The following PHRF1 variants were observed in gnomAD, a reference collection of about 807,000 sequenced individuals.
PHRF1 encodes the protein PHD and RING finger domain-containing protein 1.
In PHRF1, 53 loss-of-function variants were observed where a neutral mutation model predicts 128.9. The ratio of observed to expected loss-of-function variants is 0.41; its 90% CI spans 0.33 to 0.52. PHRF1 has a LOEUF of 0.52. Ranked by LOEUF, PHRF1 falls within the 20% of genes least tolerant of loss-of-function variation. PHRF1 has a pLI of 0.21. For missense variants in PHRF1, 2,503 were observed against 2,284.5 expected, an observed-to-expected ratio of 1.10 and a Z score of -1.95; for synonymous variants, 1,178 against 980.6, an observed-to-expected ratio of 1.20 and a Z score of -3.76.
chr11:592,496 C>CGCTGGGAAGTGACT (rs1855035849), intron 5 of PHRF1, 63 bp from the exon 6 acceptor site: 2 of 1,507,478 alleles, frequency 1.3e-6, no homozygotes, highest in Admixed American at 3.3e-5. Context: ...CTGCGTTTCA[C>CGCTGGGAAGTGACT]GCTGGGAAGT....
rs1564864545 is a variant in PHRF1, at chr11:607,662, A to AGGGTGCCCCGGGAGCCCG, written c.2213_2230dup (p.Pro738_Val743dup). ...ACGGGCAGAGAGCGAGGCCAGCAGC[A>AGGGTGCCCCGGGAGCCCG]GGGTGCCCCGGGAGCCCGGGGTGCA... On this transcript the variant is annotated inframe_insertion, in exon 14 of 18. Transcript: ENST00000264555. 6.2e-7 allele frequency: 1 copy of AGGGTGCCCCGGGAGCCCG among 1,610,668 alleles called. No homozygotes were observed. Among genetic ancestry groups the AGGGTGCCCCGGGAGCCCG allele is most frequent in the East Asian group, 2.2e-5 (1 of 44,806 alleles).
At chr11:584,388 C>A (rs1447276950) in intron 3 of PHRF1, among the ~76,000 whole-genome samples, 2 of 152,188 alleles carry the variant, frequency 1.3e-5, no homozygotes, top group Admixed American at 1.3e-4. Flanking sequence ...CTCAGCAGGG[C>A]CCCCACCGTG....
chr11:581,959 TAGA>T lies in PHRF1; in HGVS notation c.97_99del (p.Glu33del), dbSNP rs1384348011. 1.3e-6 allele frequency: 2 copies of T among 1,592,288 alleles called. No individual in the cohort carries two copies. The highest frequency in any genetic ancestry group is 1.1e-5 in the South Asian group (1 of 87,362). ...GCGGCCTGTGTCTCACCCTGGTGTC[TAGA>T]AGAAAGCAGCGTGGGCAGCAGTGGG... On this transcript the variant is annotated splice_acceptor_variant and coding_sequence_variant, in exon 3 of 18. Coordinates refer to ENST00000264555, the MANE Select transcript of PHRF1 (RefSeq NM_001286581.2). LOFTEE classifies it high-confidence loss of function.
In PHRF1 at chr11:607,335, A is replaced by G; in HGVS notation, c.1879A>G (p.Ser627Gly). The G allele has an allele frequency of 6.2e-7, 1 of 1,612,676 alleles. No homozygotes were observed. The highest frequency in any genetic ancestry group is 1.1e-5 in the South Asian group (1 of 91,078). Residue 627 changes from serine to glycine, a missense_variant, in exon 14 of 18, where the codon AGC becomes GGC. Transcript: ENST00000264555. ...TGGGAGTGTGCCTGGCTTCAGACAG[A>G]GCCACAGCCCCTGGTTCAACGGCAC... ...SNGSVPGFRQ[S>G]HSPWFNGTNK...
At chr11:601,428 C>CAAAAAAAA in intron 9 of PHRF1, 146 bp from the exon 10 acceptor site, 2 of 874,758 alleles carry the variant, frequency 2.3e-6, no homozygotes, top group African/African-American at 2.2e-5. Context: ...GATCCTGTCT[C>CAAAAAAAA]AAAAAAAAAA....
chr11:604,787 C>G (rs772550558), intron 10 of PHRF1, among the ~76,000 whole-genome samples: 1 of 152,230 alleles, frequency 6.6e-6, no homozygotes, highest in African/African-American at 2.4e-5. Flanking sequence ...GCTGGGATTA[C>G]AGATGTGAGC....
At chr11:611,445 G>A (rs1856392016) in intron 17 of PHRF1, among the ~76,000 whole-genome samples, 189 bp from the exon 18 acceptor site, 1 of 152,202 alleles carries the variant, frequency 6.6e-6, no homozygotes, top group Non-Finnish European at 1.5e-5. Context: ...CAGTGGCCTT[G>A]TGAGCGGCAT....
At chr11:594,741 CGTGAG>C (rs1447457373) in intron 6 of PHRF1, among the ~76,000 whole-genome samples, 1 of 152,194 alleles carries the variant, frequency 6.6e-6, no homozygotes, top group Non-Finnish European at 1.5e-5. Context: ...AGATTAAAGG[CGTGAG>C]CCACTATGCC....
Position 608,846 on chromosome 11 carries a change from G to A in PHRF1, c.3390G>A (p.Glu1130=), listed in dbSNP as rs749514758. Residue 1130 remains glutamate (E), a synonymous_variant, in exon 14 of 18, where the codon GAG becomes GAA. Transcript: ENST00000264555. ...AGTGCTCCCCCACCAGCAGCCTGGA[G>A]AGGCTCTGCAGGCACAAGCATCAGC... ...GRECSPTSSL[E]RLCRHKHQRE... is the part of the protein sequence containing the mutation. 7 of 1,612,242 alleles carry A rather than the reference G, an allele frequency of 4.3e-6. No individual in the cohort carries two copies. The African/African-American group carries it at 9.3e-5, about 22-fold the overall frequency.
At position 608,538 on chromosome 11, in the gene PHRF1, A is replaced by C. The variant is rs762812445; in HGVS notation, c.3082A>C (p.Arg1028=). 6.2e-7 allele frequency: 1 copy of C among 1,612,168 alleles called. No homozygotes were observed. The highest frequency in any genetic ancestry group is 8.5e-7 in the Non-Finnish European group (1 of 1,179,796). Residue 1028 remains arginine (R), a synonymous_variant, in exon 14 of 18, where the codon AGG becomes CGG. Coordinates refer to ENST00000264555, the MANE Select transcript of PHRF1 (RefSeq NM_001286581.2). ...RSGTRSESRD[R]SSRSASPSVG... ...TGGGACGCGCTCTGAATCCAGGGACAGGAGCTCGAGGTCAGCGTCACCATC... is the reference window on the plus strand; with the variant it reads ...TGGGACGCGCTCTGAATCCAGGGACCGGAGCTCGAGGTCAGCGTCACCATC...
In PHRF1 at chr11:608,974, G is replaced by A. The variant is rs1307810953; in HGVS notation, c.3518G>A (p.Arg1173Gln). Residue 1173 changes from arginine (R) to glutamine (Q), a missense_variant, in exon 14 of 18, where the codon CGG becomes CAG. Coordinates refer to ENST00000264555, the MANE Select transcript of PHRF1 (RefSeq NM_001286581.2). ...TCCCCAAGCTCGGAGCACAGGGCACGGGAGCACAGGCGGCCTCGGTCCCGT... is the reference window on the plus strand; with the variant it reads ...TCCCCAAGCTCGGAGCACAGGGCACAGGAGCACAGGCGGCCTCGGTCCCGT... Reference protein sequence around the residue: ...SRSPSSEHRAREHRRPRSREK... With the variant: ...SRSPSSEHRAQEHRRPRSREK... The A allele has an allele frequency of 4.3e-6, 7 of 1,609,394 alleles. No individual in the cohort carries two copies. Among genetic ancestry groups the A allele is most frequent in the African/African-American group, 1.3e-5 (1 of 74,860 alleles).
chr11:610,463 C>T, intron 15 of PHRF1, 38 bp from the exon 16 acceptor site: 2 of 1,583,062 alleles, frequency 1.3e-6, no homozygotes, highest in Non-Finnish European at 1.7e-6. Context: ...GAGCTGCTAG[C>T]TGTAGGGCCC....
At chr11:594,054 T>G (rs1855140799) in intron 6 of PHRF1, among the ~76,000 whole-genome samples, 1 of 152,158 alleles carries the variant, frequency 6.6e-6, no homozygotes, top group African/African-American at 2.4e-5. Flanking sequence ...CTGGGCACAG[T>G]GCTTATTGGC....
intron 13 of PHRF1, 66 bp from the exon 14 acceptor site, chr11:607,000 A>G (rs2133065584): frequency 6.6e-7 from 1 of 1,514,768 alleles, no homozygotes; most frequent in South Asian, 1.3e-5. Flanking sequence ...TGTGATAAAA[A>G]TTAAACCACT....
chr11:605,248 G>T lies in PHRF1; in HGVS notation c.1282G>T (p.Ala428Ser). The T allele has an allele frequency of 6.2e-7, 1 of 1,613,402 alleles. No individual in the cohort carries two copies. Among genetic ancestry groups the T allele is most frequent in the African/African-American group, 1.3e-5 (1 of 75,068 alleles). ...SLGLLRADIG[A>S]ASLSLFGDPY... ...GGGGCTGCTGAGAGCGGATATTGGA[G>T]CTGCCTCTCTGTCTCTGTTTGGAGA... Residue 428 changes from alanine to serine, a missense_variant, in exon 11 of 18, where the codon GCT becomes TCT. Physicochemically the swap from Ala to Ser is moderately conservative, Grantham distance 99. Transcript: ENST00000264555.
At chr11:605,790 G>T in intron 12 of PHRF1, 66 bp downstream of exon 12, 1 of 1,526,926 alleles carries the variant, frequency 6.5e-7, no homozygotes, top group Non-Finnish European at 8.7e-7. Context: ...GGAGTTCTAG[G>T]GTGGGGCCGT....
intron 11 of PHRF1, 62 bp downstream of exon 11, chr11:605,362 C>T (rs968170509): frequency 3.8e-6 from 6 of 1,587,458 alleles, no homozygotes; most frequent in East Asian, 2.2e-5. Flanking sequence ...GCTGTGGGCA[C>T]GGGGCCCCGA....
At chr11:582,238 C>T (rs1226983876) in intron 3 of PHRF1, among the ~76,000 whole-genome samples, 157 bp downstream of exon 3, 1 of 151,302 alleles carries the variant, frequency 6.6e-6, no homozygotes, top group Non-Finnish European at 1.5e-5. Flanking sequence ...GTGGTGACGG[C>T]TCACTTTATT....
intron 4 of PHRF1, among the ~76,000 whole-genome samples, chr11:589,819 C>G (rs7926440): frequency 7.3e-6 from 1 of 136,430 alleles, no homozygotes; most frequent in African/African-American, 2.7e-5. Context: ...ACAGAGCGTG[C>G]GGGGCTCAGC....
Sources: allele counts gnomAD v4.1 joint callset (sites outside exome capture counted in the v4.1 genomes callset), GRCh38; gene constraint gnomAD v4.1.1; transcripts MANE v1.5; gene names NCBI Gene and HGNC (gene_info 2026-07-23, HGNC 2026-07-21).